The following TEAD4 variants were observed in gnomAD, a reference collection of about 807,000 sequenced individuals.
TEAD4 encodes the protein transcriptional enhancer factor TEF-3.
In TEAD4, 36 loss-of-function variants were observed where a neutral mutation model predicts 52.4. The ratio of observed to expected loss-of-function variants is 0.69; its 90% CI spans 0.53 to 0.91. The LOEUF is 0.91. Among genes scored for constraint, TEAD4 ranks in the 40% least tolerant of loss-of-function variants. TEAD4 has a pLI of 0.00. For synonymous variants in TEAD4, 220 were observed against 231.0 expected (o/e 0.95, Z 0.43); for missense variants, 508 against 583.9 (o/e 0.87, Z 1.34).
intron 4 of TEAD4, among the ~76,000 whole-genome samples, 167 bp downstream of exon 4, chr12:3,011,235 C>G (rs1226531765): frequency 2.0e-5 from 3 of 151,834 alleles, no homozygotes; most frequent in African/African-American, 4.9e-5. Context: ...TTTTCTTTTT[C>G]TTTCTTTTTT....
intron 2 of TEAD4, among the ~76,000 whole-genome samples, chr12:2,982,452 G>A (rs1206266321): frequency 2.6e-5 from 4 of 152,210 alleles, no homozygotes; most frequent in South Asian, 4.1e-4. Context: ...GCTCCACGAT[G>A]CCATCTGTCC....
At chr12:2,991,639 G>C (rs1043830026) in intron 2 of TEAD4, among the ~76,000 whole-genome samples, 5 of 152,112 alleles carry the variant, frequency 3.3e-5, no homozygotes, top group Non-Finnish European at 5.9e-5. Flanking sequence ...ACCAGCCTGA[G>C]TGAAAGAGCA....
At chr12:3,031,009 T>C (rs61369361) in intron 10 of TEAD4, among the ~76,000 whole-genome samples, 7,347 of 152,280 alleles carry the variant, frequency 0.048, 295 homozygotes, top group African/African-American at 0.1. Flanking sequence ...AAGACGCATG[T>C]GCCTCCTGAG....
At chr12:3,030,356 G>A (rs2098274753) in intron 10 of TEAD4, among the ~76,000 whole-genome samples, 2 of 152,154 alleles carry the variant, frequency 1.3e-5, no homozygotes, top group Non-Finnish European at 2.9e-5. Flanking sequence ...ATCTTCTACC[G>A]ATGCATGGGA....
chr12:3,023,744 A>G (rs918018234), intron 10 of TEAD4, among the ~76,000 whole-genome samples: 1 of 148,518 alleles, frequency 6.7e-6, no homozygotes, highest in Non-Finnish European at 1.5e-5. Flanking sequence ...GTGAGCAGAG[A>G]TGGCGGCCAC....
chr12:2,979,907 A>G (rs965599259), intron 2 of TEAD4, among the ~76,000 whole-genome samples: 2 of 152,156 alleles, frequency 1.3e-5, no homozygotes, highest in African/African-American at 2.4e-5. Context: ...GAAGGGCACA[A>G]GGACTGAAGT....
At chr12:3,016,988 C>A in intron 5 of TEAD4, 1 of 427,408 alleles carries the variant, frequency 2.3e-6, no homozygotes, top group Non-Finnish European at 4.8e-6. Context: ...TCCAGACAGC[C>A]CGTGTGGCCA....
intron 3 of TEAD4, among the ~76,000 whole-genome samples, chr12:3,007,466 A>G (rs2098256845): frequency 6.6e-6 from 1 of 152,210 alleles, no homozygotes. Flanking sequence ...GCAAATAGGT[A>G]TAATTACCTG....
chr12:2,977,860 C>G (rs2153953360), intron 2 of TEAD4, among the ~76,000 whole-genome samples: 1 of 152,336 alleles, frequency 6.6e-6, no homozygotes, highest in East Asian at 1.9e-4. Flanking sequence ...TTTTCTTGGT[C>G]TTGTTTTCTG....
chr12:2,985,167 G>A (rs2098237109), intron 2 of TEAD4, among the ~76,000 whole-genome samples: 2 of 151,868 alleles, frequency 1.3e-5, no homozygotes, highest in East Asian at 2.0e-4. Context: ...GGTGGATCAC[G>A]AGGTCAGGAG....
intron 3 of TEAD4, among the ~76,000 whole-genome samples, chr12:3,003,639 C>T (rs987026755): frequency 3.3e-5 from 5 of 152,144 alleles, no homozygotes; most frequent in Non-Finnish European, 7.3e-5. Context: ...AGCCTTCGCC[C>T]CCGGTGGGGT....
chr12:3,009,236 T>C (rs947618228), intron 3 of TEAD4, among the ~76,000 whole-genome samples: 1 of 152,186 alleles, frequency 6.6e-6, no homozygotes, highest in African/African-American at 2.4e-5. Context: ...GAGACCAGCC[T>C]GGCCAACATG....
intron 5 of TEAD4, 29 bp from the exon 6 acceptor site, chr12:3,017,369 G>T: frequency 2.5e-6 from 4 of 1,613,814 alleles, no homozygotes; most frequent in Non-Finnish European, 3.4e-6. Context: ...TGACCCTGCT[G>T]AGGTCCTCCC....
chr12:2,970,290 A>T (rs1304459963), intron 2 of TEAD4, among the ~76,000 whole-genome samples: 1 of 152,202 alleles, frequency 6.6e-6, no homozygotes, highest in Non-Finnish European at 1.5e-5. Flanking sequence ...ACGTGGGGCG[A>T]GTGGTCGTGG....
chr12:2,962,930 TC>T (rs1258211870), intron 2 of TEAD4, among the ~76,000 whole-genome samples: 2 of 151,910 alleles, frequency 1.3e-5, no homozygotes, highest in Non-Finnish European at 2.9e-5. Context: ...CACCCCCTAC[TC>T]CCCCTAGCCG....
At chr12:2,962,256 C>G (rs1227932514) in intron 2 of TEAD4, among the ~76,000 whole-genome samples, 1 of 140,754 alleles carries the variant, frequency 7.1e-6, no homozygotes, top group Admixed American at 7.3e-5. Flanking sequence ...TCCCGGCCGG[C>G]TAGTTTCATA....
At chr12:3,011,160 C>T in intron 4 of TEAD4, 92 bp downstream of exon 4, 1 of 1,391,490 alleles carries the variant, frequency 7.2e-7, no homozygotes, top group Admixed American at 1.8e-5. Context: ...GGACCAGACG[C>T]AGGCTTTTGA....
chr12:3,017,365 T>C (rs2098265319), intron 5 of TEAD4, 33 bp from the exon 6 acceptor site: 1 of 1,613,762 alleles, frequency 6.2e-7, no homozygotes, highest in Non-Finnish European at 8.5e-7. Context: ...CTAGTGACCC[T>C]GCTGAGGTCC....
At chr12:2,961,404 G>A (rs1404681873) in intron 2 of TEAD4, among the ~76,000 whole-genome samples, 1 of 152,014 alleles carries the variant, frequency 6.6e-6, no homozygotes, top group African/African-American at 2.4e-5. Context: ...AAACTGTCTC[G>A]GGGGTTGGGG....
Sources: allele counts gnomAD v4.1 joint callset (sites outside exome capture counted in the v4.1 genomes callset), GRCh38; gene constraint gnomAD v4.1.1; transcripts MANE v1.5; gene names NCBI Gene and HGNC (gene_info 2026-07-23, HGNC 2026-07-21).